Variants in ZYG11B observed in about 807,000 individuals in gnomAD.
The protein encoded by ZYG11B is protein zyg-11 homolog B.
A neutral mutation model predicts 82.4 loss-of-function variants in ZYG11B; 36 were observed. The observed-to-expected ratio is 0.44, with a 90% CI of 0.33 to 0.58. The LOEUF (loss-of-function observed/expected upper bound fraction) is 0.58, where lower values mean the gene tolerates loss of function less well. ZYG11B is among the 20% of genes least tolerant of loss of function. The pLI, the probability that ZYG11B is intolerant of heterozygous loss-of-function variation, is 0.02. For synonymous variants in ZYG11B, 303 were observed against 312.8 expected, an observed-to-expected ratio of 0.97 and a Z score of 0.33; for missense variants, 552 against 895.6, an observed-to-expected ratio of 0.62 and a Z score of 4.90.
chr1:52,821,551 G>A lies in ZYG11B; in HGVS notation c.2157G>A (p.Leu719=). The change falls in exon 14 of 14, where the codon CTG becomes CTA. Residue 719 remains leucine (L), a synonymous_variant. Transcript: ENST00000294353. ...TCCAACAGATTGCTGTGGCCATTCT[G>A]GATAGCTTAGAAAAACACATTGTGC... ...PHVQQIAVAI[L]DSLEKHIVRH... 1 of 1,614,062 alleles carries A rather than the reference G, an allele frequency of 6.2e-7. No homozygotes were observed. Among genetic ancestry groups the A allele is most frequent in the Non-Finnish European group, 8.5e-7 (1 of 1,179,998 alleles).
rs550622326 is a variant in ZYG11B at position 52,789,321 on chromosome 1, G to A, written c.1270-682G>A. Among the ~76,000 whole-genome samples the A allele has an allele frequency of 6.6e-5, 10 of 151,818 alleles. No homozygotes were observed. In the East Asian group the frequency reaches 1.5e-3, roughly 24 times the overall value. On this transcript the variant is annotated intron_variant, in intron 5 of 13. Transcript: ENST00000294353. ...TTTTTAGATAAGAAATCTTCCAATC[G>A]TACACAAAAACCTTTAAAAAATATT... is the stretch of plus-strand genomic sequence containing the variant.
At chr1:52,794,073 CAA>C (rs983057674) in intron 6 of ZYG11B, among the ~76,000 whole-genome samples, 1 of 151,916 alleles carries the variant, frequency 6.6e-6, no homozygotes, top group African/African-American at 2.4e-5. Flanking sequence ...CTCCCGGGTT[CAA>C]GTGATTCTCC....
intron 1 of ZYG11B, 109 bp downstream of exon 1, chr1:52,726,792 C>A: frequency 1.8e-6 from 2 of 1,136,346 alleles, no homozygotes; most frequent in Admixed American, 3.9e-5. Flanking sequence ...TCCCCTCGGG[C>A]TCCCTGCCTT....
At chr1:52,792,278 G>C (rs1380908154) in intron 6 of ZYG11B, among the ~76,000 whole-genome samples, 1 of 152,308 alleles carries the variant, frequency 6.6e-6, no homozygotes, top group African/African-American at 2.4e-5. Flanking sequence ...ATTTTTCATA[G>C]AAGAGGTGTT....
In ZYG11B at chr1:52,821,641, A is replaced by G. The variant is rs1460401903; in HGVS notation, c.*12A>G. On this transcript the variant is annotated 3_prime_UTR_variant, in exon 14 of 14. Transcript: ENST00000294353. ...CCAGACTAAATTGATAGCCATAAGT[A>G]TTGGATAGTTGAATCACAGGAATCC... The G allele has an allele frequency of 6.3e-7, 1 of 1,597,078 alleles. No individual in the cohort carries two copies. The highest frequency in any genetic ancestry group is 8.5e-7 in the Non-Finnish European group (1 of 1,170,942).
chr1:52,744,774 G>A (rs542821761), intron 1 of ZYG11B, among the ~76,000 whole-genome samples: 8 of 152,214 alleles, frequency 5.3e-5, no homozygotes, highest in Non-Finnish European at 1.0e-4. Context: ...CCCGGGAGGC[G>A]GAGGAGGTTG....
At chr1:52,737,893 G>A (rs1571740430) in intron 1 of ZYG11B, among the ~76,000 whole-genome samples, 1 of 152,370 alleles carries the variant, frequency 6.6e-6, no homozygotes, top group Non-Finnish European at 1.5e-5. Flanking sequence ...CAGGTCCCCT[G>A]AGGGGAAAAG....
intron 1 of ZYG11B, among the ~76,000 whole-genome samples, chr1:52,749,239 G>C (rs1644501836): frequency 6.6e-6 from 1 of 151,960 alleles, no homozygotes. Context: ...AAAAAAGAAA[G>C]ATGAGTGAGA....
At chr1:52,727,125 C>T (rs1382411126) in intron 1 of ZYG11B, among the ~76,000 whole-genome samples, 1 of 151,994 alleles carries the variant, frequency 6.6e-6, no homozygotes, top group Non-Finnish European at 1.5e-5. Flanking sequence ...CTCCACTGCC[C>T]CCTTCTCTCC....
At chr1:52,821,271 G>A (rs528866835) in intron 13 of ZYG11B, among the ~76,000 whole-genome samples, 168 bp from the exon 14 acceptor site, 1 of 151,952 alleles carries the variant, frequency 6.6e-6, no homozygotes, top group South Asian at 2.1e-4. Flanking sequence ...CACTGTAGAC[G>A]TAACATCAGT....
intron 10 of ZYG11B, among the ~76,000 whole-genome samples, chr1:52,808,014 A>T (rs1645154881): frequency 6.6e-6 from 1 of 152,198 alleles, no homozygotes; most frequent in Admixed American, 6.5e-5. Flanking sequence ...TGATGTCATC[A>T]TTATCTTTGT....
In ZYG11B at chr1:52,776,229, A is replaced by AAAAAAATATATATAT; in HGVS notation, c.952-3623_952-3622insAAAAATATATATATA. On this transcript the variant is annotated intron_variant, in intron 3 of 13. Coordinates refer to ENST00000294353, the MANE Select transcript of ZYG11B (RefSeq NM_024646.3). ...AGCAAAACTCTGTCTTAAAAAAAAA[A>AAAAAAATATATATAT]ATATATATATATATATGCAATAAAG... Among the ~76,000 whole-genome samples the AAAAAAATATATATAT allele has an allele frequency of 3.8e-3, 90 of 23,544 alleles. 12 individuals are homozygous for AAAAAAATATATATAT. Among genetic ancestry groups the AAAAAAATATATATAT allele is most frequent in the South Asian group, 0.024 (10 of 422 alleles). 15.4% of individuals were successfully genotyped at this position (23,544 alleles called of 152,430 possible).
At chr1:52,801,035 A>C (rs1373771316) in intron 8 of ZYG11B, among the ~76,000 whole-genome samples, 2 of 152,156 alleles carry the variant, frequency 1.3e-5, no homozygotes, top group African/African-American at 4.8e-5. Context: ...CTTACTTTTC[A>C]AACATAAATT....
At chr1:52,763,286 T>C (rs1031138635) in intron 2 of ZYG11B, among the ~76,000 whole-genome samples, 3 of 152,242 alleles carry the variant, frequency 2.0e-5, no homozygotes, top group African/African-American at 7.2e-5. Flanking sequence ...CATGGTCTTT[T>C]GTGGTTCCAT....
chr1:52,819,403 A>G (rs1213596920), intron 13 of ZYG11B, among the ~76,000 whole-genome samples: 2 of 152,182 alleles, frequency 1.3e-5, no homozygotes, highest in African/African-American at 4.8e-5. Flanking sequence ...TCATATTCCC[A>G]GTCTCTAATC....
intron 2 of ZYG11B, among the ~76,000 whole-genome samples, chr1:52,761,120 A>G (rs1423299742): frequency 6.6e-6 from 1 of 152,182 alleles, no homozygotes; most frequent in Non-Finnish European, 1.5e-5. Flanking sequence ...GTATGTCATG[A>G]TGCTTCAGTA....
In ZYG11B at chr1:52,784,859, C is replaced by G. The variant is rs1183494702; in HGVS notation, c.1093-18C>G. 1 of 1,610,932 alleles carries G rather than the reference C, an allele frequency of 6.2e-7. No homozygotes were observed. Among genetic ancestry groups the G allele is most frequent in the Non-Finnish European group, 8.5e-7 (1 of 1,178,878 alleles). On this transcript the variant is annotated intron_variant, in intron 4 of 13. Coordinates refer to ENST00000294353, the MANE Select transcript of ZYG11B (RefSeq NM_024646.3). ...GTATTTATAAGGTGAATTAAGAGGA[C>G]TAATTTTTTTTTTCCAGCTTGTGGT...
rs1468791078 is a variant in ZYG11B, at chr1:52,743,369, T to G, written c.31-13089T>G. Reference sequence around the variant, plus strand: ...CCTATGACCCTGCCAAATCCCCCTCTCCGAGAAACACCCAAGAATGATCAA... The same window carrying G: ...CCTATGACCCTGCCAAATCCCCCTCGCCGAGAAACACCCAAGAATGATCAA... On this transcript the variant is annotated intron_variant, in intron 1 of 13. Transcript: ENST00000294353. Among the ~76,000 whole-genome samples the G allele has an allele frequency of 3.7e-5, 4 of 108,066 alleles. No homozygotes were observed. The East Asian group carries it at 1.0e-3, about 27-fold the overall frequency. The allele number at this position is 108,066 out of a possible 152,430, so 70.9% of individuals were successfully genotyped here.
chr1:52,781,660 C>CT lies in ZYG11B; in HGVS notation c.1092+1668dup, dbSNP rs1435709129. Among the ~76,000 whole-genome samples, 3 of 152,102 alleles carry CT rather than the reference C, an allele frequency of 2.0e-5. No homozygotes were observed. In the East Asian group the frequency reaches 5.8e-4, roughly 29 times the overall value. On this transcript the variant is annotated intron_variant, in intron 4 of 13. Transcript: ENST00000294353. ...TTTGAAAACCAATGAGCTTAGGACT[C>CT]TATTATATTTGGCACCTCATTTAGT...
Sources: allele counts gnomAD v4.1 joint callset (sites outside exome capture counted in the v4.1 genomes callset), GRCh38; gene constraint gnomAD v4.1.1; transcripts MANE v1.5; gene names NCBI Gene and HGNC (gene_info 2026-07-23, HGNC 2026-07-21).